Variants in NUMA1 observed in about 807,000 individuals in gnomAD.
NUMA1 encodes SP-H antigen.
In NUMA1, 62 loss-of-function variants were observed where a neutral mutation model predicts 237.1. The ratio of observed to expected loss-of-function variants is 0.26; its 90% CI spans 0.21 to 0.32. The LOEUF (loss-of-function observed/expected upper bound fraction) is 0.32, where lower values mean the gene tolerates loss of function less well. Among genes scored for constraint, NUMA1 ranks in the 10% least tolerant of loss-of-function variants. NUMA1 has a pLI of 1.00. For synonymous variants in NUMA1, 1,028 were observed against 1,066.1 expected (o/e 0.96, Z 0.70); for missense variants, 2,533 against 2,666.5 (o/e 0.95, Z 1.10).
rs1251461460 is a variant in NUMA1 at position 72,012,883 on chromosome 11, T to C, written c.4608+12A>G. On this transcript the variant is annotated intron_variant, in intron 15 of 26. Coordinates refer to ENST00000393695, the MANE Select transcript of NUMA1 (RefSeq NM_006185.4). ...CTGATCTTTGGGAGGGTGGTTGGGCTGAGTACCTTACCTGGGCAGTGAGTT... is the reference window on the plus strand; with the variant it reads ...CTGATCTTTGGGAGGGTGGTTGGGCCGAGTACCTTACCTGGGCAGTGAGTT... 1 of 1,611,388 alleles carries C rather than the reference T, an allele frequency of 6.2e-7. No individual in the cohort carries two copies. Among genetic ancestry groups the C allele is most frequent in the South Asian group, 1.1e-5 (1 of 90,762 alleles).
chr11:72,008,322 GT>G, intron 20 of NUMA1: 1 of 385,530 alleles, frequency 2.6e-6, no homozygotes, highest in South Asian at 2.2e-5. Flanking sequence ...AGCCACCAAG[GT>G]TTCCTCAATG....
Position 72,005,271 on chromosome 11 carries a change from G to A in NUMA1, c.5791C>T (p.Pro1931Ser). Residue 1931 changes from proline (P) to serine (S), a missense_variant, in exon 23 of 27, where the codon CCC becomes TCC. Physicochemically the swap from Pro to Ser is moderately conservative, Grantham distance 74. Around this residue, in one of 3 missense-constraint regions of NUMA1, gnomAD observed 795 missense variants for 750.8 expected, o/e 1.06. Transcript: ENST00000393695. ...GGATAGCAGGTCTTCAGATGTGGGG[G>A]GCACACTCGATTGCGCTGCTGCAGC... is the stretch of plus-strand genomic sequence containing the variant. ...AELQQRNRVC[P>S]PHLKTCYPLE... The A allele has an allele frequency of 6.2e-7, 1 of 1,608,734 alleles. No homozygotes were observed. Among genetic ancestry groups the A allele is most frequent in the Non-Finnish European group, 8.5e-7 (1 of 1,177,562 alleles).
chr11:72,047,880 T>C (rs947896199), intron 2 of NUMA1: 3 of 152,182 alleles, frequency 2.0e-5, no homozygotes, highest in Admixed American at 6.5e-5. Context: ...AAAAAATATA[T>C]GGAACTCTTC....
chr11:72,076,852 T>TG (rs1943734085), intron 1 of NUMA1: 1 of 151,776 alleles, frequency 6.6e-6, no homozygotes, highest in African/African-American at 2.4e-5. Flanking sequence ...TTATGGCTGC[T>TG]GTTTACAGGT....
At chr11:72,059,832 A>G (rs981037402) in intron 2 of NUMA1, among the ~76,000 whole-genome samples, 5 of 152,184 alleles carry the variant, frequency 3.3e-5, no homozygotes, top group Admixed American at 1.3e-4. Context: ...TTACCATCTA[A>G]AACTGTGTAC....
At chr11:72,062,956 C>T (rs1315295524) in intron 2 of NUMA1, among the ~76,000 whole-genome samples, 1 of 152,028 alleles carries the variant, frequency 6.6e-6, no homozygotes, top group East Asian at 1.9e-4. Context: ...GTCATCCTAG[C>T]TACTCGGGAG....
intron 16 of NUMA1, 136 bp from the exon 17 acceptor site, chr11:72,010,990 C>T (rs1956120584): frequency 3.8e-6 from 3 of 785,418 alleles, no homozygotes; most frequent in Admixed American, 4.2e-5. Context: ...TTTCTCTGGC[C>T]TCCAATTACG....
At chr11:72,010,932 G>T in intron 16 of NUMA1, 78 bp from the exon 17 acceptor site, 1 of 1,288,390 alleles carries the variant, frequency 7.8e-7, no homozygotes. Flanking sequence ...CCCATCATGG[G>T]GTTTCCCAGA....
At position 72,017,806 on chromosome 11, in the gene NUMA1, G is replaced by C. The variant is rs200581089; in HGVS notation, c.1000C>G (p.Leu334Val). The C allele has an allele frequency of 1.9e-6, 3 of 1,607,220 alleles. No individual in the cohort carries two copies. Among genetic ancestry groups the C allele is most frequent in the African/African-American group, 2.7e-5 (2 of 74,962 alleles). ...SFKLREFASH[L>V]QQLQDALNEL... is the part of the protein sequence containing the mutation. ...TTGAGGGCATCCTGTAGCTGCTGCA[G>C]ATGACTGGCAAACTCCCGCAGCTGA... Residue 334 changes from leucine to valine, a missense_variant, in exon 13 of 27, where the codon CTG (leucine) becomes GTG (valine). Physicochemically the swap from Leu to Val is conservative, Grantham distance 32. Transcript: ENST00000393695.
chr11:72,007,050 T>C (rs1009999597), intron 21 of NUMA1, 139 bp downstream of exon 21: 9 of 1,038,110 alleles, frequency 8.7e-6, no homozygotes, highest in Non-Finnish European at 1.2e-5. Context: ...ACTGCCCTTT[T>C]TAAGACCTCT....
In NUMA1 at chr11:72,006,145, C is replaced by G. The variant is rs1046742819; in HGVS notation, c.5582G>C (p.Gly1861Ala). The change falls in exon 22 of 27, where the codon GGT becomes GCT. Residue 1861 changes from glycine to alanine, a missense_variant. Physicochemically the swap from Gly to Ala is moderately conservative, Grantham distance 60. Around this residue, in one of 3 missense-constraint regions of NUMA1, gnomAD observed 795 missense variants for 750.8 expected, o/e 1.06. Transcript: ENST00000393695. ...GGCTGAGTTGCCATAATCGGGAGAA[C>G]CCAGGCGAGCTAGAGACTGAGTAGA... ...TSSTQSLARL[G>A]SPDYGNSALL... is the part of the protein sequence containing the mutation. 6 of 1,614,164 alleles carry G rather than the reference C, an allele frequency of 3.7e-6. No homozygotes were observed. Among genetic ancestry groups the G allele is most frequent in the Non-Finnish European group, 5.1e-6 (6 of 1,180,036 alleles).
chr11:72,034,610 A>C (rs924989930), intron 3 of NUMA1, among the ~76,000 whole-genome samples: 1 of 151,996 alleles, frequency 6.6e-6, no homozygotes, highest in African/African-American at 2.4e-5. Context: ...CGGGAGGCTG[A>C]AGCAGGAGAA....
In NUMA1 at chr11:72,056,257, G is replaced by A. The variant is rs2136095495; in HGVS notation, c.-33+13585C>T. Among the ~76,000 whole-genome samples the A allele has an allele frequency of 2.0e-5, 3 of 151,998 alleles. No individual in the cohort carries two copies. In the South Asian group the frequency reaches 6.2e-4, roughly 32 times the overall value. ...GAGGATCACTTGAGCTCAGGAGTTTGAGGCTTCAGTGAGCTACGATTGTGC... is the reference window on the plus strand; with the variant it reads ...GAGGATCACTTGAGCTCAGGAGTTTAAGGCTTCAGTGAGCTACGATTGTGC... On this transcript the variant is annotated intron_variant, in intron 2 of 26. Transcript: ENST00000393695.
At chr11:72,023,768 T>G (rs1387642606) in intron 5 of NUMA1, among the ~76,000 whole-genome samples, 1 of 152,086 alleles carries the variant, frequency 6.6e-6, no homozygotes, top group African/African-American at 2.4e-5. Flanking sequence ...ACCCATCCAC[T>G]TGAAGAGCAG....
intron 1 of NUMA1, among the ~76,000 whole-genome samples, chr11:72,070,678 T>C (rs1220019448): frequency 6.6e-6 from 1 of 151,918 alleles, no homozygotes; most frequent in Non-Finnish European, 1.5e-5. Context: ...TGTGGTGGAG[T>C]GTGCCTGGGT....
intron 2 of NUMA1, chr11:72,067,500 T>A (rs1378102086): frequency 1.3e-5 from 2 of 152,220 alleles, no homozygotes; most frequent in African/African-American, 4.8e-5. Flanking sequence ...GACCAACATG[T>A]CCTGTGATTG....
At position 72,008,711 on chromosome 11, in the gene NUMA1, C is replaced by G. The variant is rs1167461315; in HGVS notation, c.5193G>C (p.Glu1731Asp). 1.2e-6 allele frequency: 2 copies of G among 1,614,064 alleles called. No individual in the cohort carries two copies. Among genetic ancestry groups the G allele is most frequent in the Non-Finnish European group, 8.5e-7 (1 of 1,180,046 alleles). Residue 1731 changes from glutamate to aspartate, a missense_variant, in exon 20 of 27, where the codon GAG becomes GAC. Transcript: ENST00000393695. ...SIDSLDLSCEEGTPLSITSKL... is the reference protein window; with the variant it reads ...SIDSLDLSCEDGTPLSITSKL... ...ACCTGGTGATACTGAGTGGGGTCCCCTCCTCGCAGCTCAGATCCAGGCTGT... is the reference window on the plus strand; with the variant it reads ...ACCTGGTGATACTGAGTGGGGTCCCGTCCTCGCAGCTCAGATCCAGGCTGT...
Position 72,012,414 on chromosome 11 carries a change from T to G in NUMA1, c.4637A>C (p.Glu1546Ala). 1 of 1,613,112 alleles carries G rather than the reference T, an allele frequency of 6.2e-7. No individual in the cohort carries two copies. Among genetic ancestry groups the G allele is most frequent in the South Asian group, 1.1e-5 (1 of 90,748 alleles). The change falls in exon 16 of 27, where the codon GAG becomes GCG. Residue 1546 changes from glutamate to alanine, a missense_variant. By Grantham distance (107) the Glu-to-Ala change is moderately radical. This residue lies in a region of NUMA1 where 795 missense variants were observed against 750.8 expected (regional missense o/e 1.06). Transcript: ENST00000393695. ...QVEQLEVFQREQTKQVEELSK... is the reference protein window; with the variant it reads ...QVEQLEVFQRAQTKQVEELSK... ...CTCAGGCATTACCTGCTTAGTTTGCTCTCTCTGAAATACCTCTAGCTGCTC... is the reference window on the plus strand; with the variant it reads ...CTCAGGCATTACCTGCTTAGTTTGCGCTCTCTGAAATACCTCTAGCTGCTC...
Position 72,013,298 on chromosome 11 carries a change from G to A in NUMA1, c.4205C>T (p.Ala1402Val), listed in dbSNP as rs1370542849. 3 of 1,604,356 alleles carry A rather than the reference G, an allele frequency of 1.9e-6. No homozygotes were observed. The highest frequency in any genetic ancestry group is 1.7e-6 in the Non-Finnish European group (2 of 1,179,742). The change falls in exon 15 of 27, where the codon GCC becomes GTC. Residue 1402 changes from alanine to valine, a missense_variant. By Grantham distance (64) the Ala-to-Val change is moderately conservative (BLOSUM62 0). Around this residue, in one of 3 missense-constraint regions of NUMA1, gnomAD observed 324 missense variants for 407.6 expected, o/e 0.79. Transcript: ENST00000393695. This position sits in a 1 kb window ranked among gnomAD's most constrained non-coding sequence, Gnocchi z 6.8. Reference protein sequence around the residue: ...AGGLRAELLRAQRELGELIPL... With the variant: ...AGGLRAELLRVQRELGELIPL... Reference sequence around the variant, plus strand: ...AATCAGCTCCCCAAGCTCCCGCTGGGCCCGCAGCAGCTCTGCCCGCAGTCC... The same window carrying A: ...AATCAGCTCCCCAAGCTCCCGCTGGACCCGCAGCAGCTCTGCCCGCAGTCC...
Sources: allele counts gnomAD v4.1 joint callset (sites outside exome capture counted in the v4.1 genomes callset), GRCh38; gene constraint gnomAD v4.1.1; regional missense constraint gnomAD v4.1.1; non-coding constraint Gnocchi (gnomAD v3.1); transcripts MANE v1.5; gene names NCBI Gene and HGNC (gene_info 2026-07-23, HGNC 2026-07-21).